Variants in ARHGAP9 observed in about 807,000 individuals in gnomAD.
ARHGAP9 encodes the protein Rho GTPase activating protein 9.
A neutral mutation model predicts 87.3 loss-of-function variants in ARHGAP9; 76 were observed. That is an observed-to-expected ratio of 0.87 (90% confidence interval 0.72 to 1.05). The LOEUF (loss-of-function observed/expected upper bound fraction) is 1.05, where lower values mean the gene tolerates loss of function less well. Ranked by LOEUF, ARHGAP9 falls within the 50% of genes least tolerant of loss-of-function variation. The pLI is 0.00. For synonymous variants in ARHGAP9, 382 were observed against 394.9 expected, an observed-to-expected ratio of 0.97 and a Z score of 0.39; for missense variants, 941 against 960.5, an observed-to-expected ratio of 0.98 and a Z score of 0.27.
chr12:57,487,902 C>G, intron 1 of ARHGAP9: 1 of 564,698 alleles, frequency 1.8e-6, no homozygotes, highest in African/African-American at 2.0e-5. Context: ...TCTGCGGCCT[C>G]TTCATCTCGA....
intron 15 of ARHGAP9, 79 bp downstream of exon 15, chr12:57,474,344 T>C (rs937467423): frequency 4.4e-6 from 7 of 1,585,448 alleles, no homozygotes; most frequent in Admixed American, 1.7e-5. Flanking sequence ...CTCCCAGGAA[T>C]AGTACATGGG....
intron 1 of ARHGAP9, 96 bp downstream of exon 1, chr12:57,479,634 A>C (rs1874789865): frequency 6.5e-7 from 1 of 1,547,880 alleles, no homozygotes; most frequent in Admixed American, 2.0e-5. Flanking sequence ...GAAGTATGTA[A>C]GTAACATGAG....
At chr12:57,477,924 C>A in intron 3 of ARHGAP9, 1 of 1,302,600 alleles carries the variant, frequency 7.7e-7, no homozygotes, top group Non-Finnish European at 9.9e-7. Context: ...TCCCCCACCC[C>A]ACCCCCACCT....
chr12:57,474,596 G>C, intron 14 of ARHGAP9, 30 bp downstream of exon 14: 1 of 1,613,954 alleles, frequency 6.2e-7, no homozygotes, highest in South Asian at 1.1e-5. Flanking sequence ...GACATTCTTA[G>C]TACAACCACT....
intron 7 of ARHGAP9, 31 bp downstream of exon 7, chr12:57,476,559 C>T: frequency 6.2e-7 from 1 of 1,614,026 alleles, no homozygotes; most frequent in Non-Finnish European, 8.5e-7. Flanking sequence ...GAGTTGACAG[C>T]CCAGGCCCTA....
At chr12:57,487,051 A>G (rs1875475178) in intron 1 of ARHGAP9, among the ~76,000 whole-genome samples, 1 of 148,708 alleles carries the variant, frequency 6.7e-6, no homozygotes, top group Non-Finnish European at 1.5e-5. Flanking sequence ...GTCTCGGCTC[A>G]CTGCAACCTC....
rs759038483 is a variant in ARHGAP9 at position 57,475,379 on chromosome 12, G to A, written c.1464C>T (p.Thr488=). The change falls in exon 12 of 18, where the codon ACC becomes ACT. Residue 488 remains threonine, a synonymous_variant. Coordinates refer to ENST00000393791, the MANE Select transcript of ARHGAP9 (RefSeq NM_032496.4). ...RRSSIRGPEG[T]EQNRVRNKLK... is the part of the protein sequence containing the mutation. ...GTTTGTTGCGCACGCGGTTCTGCTC[G>A]GTGCCTTCGGGCCCCCGAACTGCAG... 5 of 1,596,712 alleles carry A rather than the reference G, an allele frequency of 3.1e-6. No homozygotes were observed. In the South Asian group the frequency reaches 5.6e-5, roughly 18 times the overall value.
intron 3 of ARHGAP9, chr12:57,478,313 C>T: frequency 3.6e-6 from 2 of 551,330 alleles, no homozygotes. Flanking sequence ...GCCTCTTTCT[C>T]CTCCTTGCTC....
At chr12:57,475,644 TGAGAGAGGAGA>T in intron 10 of ARHGAP9, 29 bp from the exon 11 acceptor site, 1 of 1,599,738 alleles carries the variant, frequency 6.3e-7, no homozygotes, top group Non-Finnish European at 8.5e-7. Flanking sequence ...GTGTCGAAGG[TGAGAGAGGAGA>T]GAAATCTGTA....
At chr12:57,477,771 C>G (rs749622463) in intron 3 of ARHGAP9, 91 bp from the exon 4 acceptor site, 45 of 1,552,596 alleles carry the variant, frequency 2.9e-5, no homozygotes, top group Admixed American at 3.9e-5. Context: ...CTCCCTCCCC[C>G]ATTGTCTTCT....
At chr12:57,474,757 G>A in intron 13 of ARHGAP9, 54 bp from the exon 14 acceptor site, 1 of 1,609,478 alleles carries the variant, frequency 6.2e-7, no homozygotes, top group African/African-American at 1.3e-5. Context: ...TGTGTGTGGT[G>A]AGGGATATAA....
chr12:57,477,734 T>C (rs1372865817), intron 3 of ARHGAP9, 54 bp from the exon 4 acceptor site: 1 of 1,592,842 alleles, frequency 6.3e-7, no homozygotes, highest in South Asian at 1.1e-5. Context: ...GCCCTTCCCA[T>C]GCTTCTCTTG....
At chr12:57,473,400 G>A (rs988922620) in intron 17 of ARHGAP9, among the ~76,000 whole-genome samples, 1 of 151,926 alleles carries the variant, frequency 6.6e-6, no homozygotes, top group African/African-American at 2.4e-5. Context: ...GTGACAGAGC[G>A]AGACTCTGTC....
intron 16 of ARHGAP9, 97 bp from the exon 17 acceptor site, chr12:57,473,805 C>T: frequency 8.1e-7 from 1 of 1,236,848 alleles, no homozygotes; most frequent in Non-Finnish European, 1.2e-6. Flanking sequence ...GCATGGAAGA[C>T]ATCATTAATC....
At chr12:57,473,734 G>A in intron 16 of ARHGAP9, 26 bp from the exon 17 acceptor site, 1 of 1,595,304 alleles carries the variant, frequency 6.3e-7, no homozygotes, top group Non-Finnish European at 8.6e-7. Context: ...GGAAAGGCAT[G>A]GTAGTAAGGT....
rs778481252 is a variant in ARHGAP9, at chr12:57,476,244, G to A, written c.1117-78C>T. On this transcript the variant is annotated intron_variant, in intron 8 of 17. Transcript: ENST00000393791. The stretch of plus-strand genomic sequence containing the variant: ...CCTCTCCCCGGTGGGCTGTGAGGAG[G>A]TGGGAGGCTTCCTCACTTCTTTACT... The A allele has an allele frequency of 6.6e-5, 98 of 1,490,924 alleles. 1 individual carries two copies. The highest frequency in any genetic ancestry group is 5.6e-4 in the Middle Eastern group (3 of 5,390). 92.4% of individuals were successfully genotyped at this position (1,490,924 alleles called of 1,614,324 possible).
upstream of ARHGAP9, among the ~76,000 whole-genome samples, chr12:57,482,146 C>T (rs1293444476): frequency 6.6e-6 from 1 of 152,120 alleles, no homozygotes. Context: ...CAGTAGCTCA[C>T]ACCTATAATC....
chr12:57,473,587 G>T lies in ARHGAP9; in HGVS notation c.2024+16C>A. ...ACCTTTCCCCAGCATGAACAAAGAG[G>T]TTCTGTCTTCCTGACCTGCATAAAT... On this transcript the variant is annotated intron_variant, in intron 17 of 17. Coordinates refer to ENST00000393791, the MANE Select transcript of ARHGAP9 (RefSeq NM_032496.4). The T allele has an allele frequency of 1.2e-6, 2 of 1,603,758 alleles. No individual in the cohort carries two copies. Among genetic ancestry groups the T allele is most frequent in the East Asian group, 2.2e-5 (1 of 44,816 alleles).
upstream of ARHGAP9, chr12:57,480,831 C>T: frequency 6.4e-7 from 1 of 1,550,534 alleles, no homozygotes; most frequent in Non-Finnish European, 8.7e-7. Context: ...CAATGTGAGG[C>T]TTTCTGTTTG....
Sources: gnomAD v4.1 joint callset for allele counts (sites outside exome capture counted in the v4.1 genomes callset) on GRCh38, gnomAD v4.1.1 for gene constraint, MANE v1.5 for transcripts, NCBI Gene and HGNC (gene_info 2026-07-23, HGNC 2026-07-21) for gene names.